Variants in EPM2A observed in about 807,000 individuals in gnomAD.
EPM2A encodes laforin.
A neutral mutation model predicts 26.5 loss-of-function variants in EPM2A; 21 were observed. That is an observed-to-expected ratio of 0.79 (90% CI 0.56 to 1.14). The LOEUF (loss-of-function observed/expected upper bound fraction) is 1.14, where lower values mean the gene tolerates loss of function less well. Among genes scored for constraint, EPM2A ranks in the 50% most tolerant of loss-of-function variants. The probability of loss-of-function intolerance (pLI) is 0.00; values close to 1 mark genes in which losing one functional copy is unlikely to be tolerated. For synonymous variants in EPM2A, 217 were observed against 177.6 expected, an observed-to-expected ratio of 1.22 and a Z score of -1.76; for missense variants, 458 against 440.8, an observed-to-expected ratio of 1.04 and a Z score of -0.35.
At chr6:145,501,991 A>T (rs2114751884) in intron 3 of EPM2A, 2 of 391,728 alleles carry the variant, frequency 5.1e-6, no homozygotes, top group Middle Eastern at 8.9e-4. Flanking sequence ...AGAGTCTCGA[A>T]TTGAACCCTA....
intron 2 of EPM2A, among the ~76,000 whole-genome samples, chr6:145,598,755 T>G (rs2128549570): frequency 6.6e-6 from 1 of 152,308 alleles, no homozygotes; most frequent in South Asian, 2.1e-4. Flanking sequence ...CAATTAAGTC[T>G]TTACTCCATC....
In EPM2A at chr6:145,654,410, C is replaced by G. The variant is rs4896834; in HGVS notation, c.477-18924G>C. Among the ~76,000 whole-genome samples the G allele has an allele frequency of 9.9e-3, 1,506 of 152,138 alleles. 10 individuals are homozygous for G. The highest frequency in any genetic ancestry group is 0.017 in the Admixed American group (264 of 15,276). On this transcript the variant is annotated intron_variant, in intron 2 of 3. Coordinates refer to ENST00000367519, the MANE Select transcript of EPM2A (RefSeq NM_005670.4). ...TGGTCAGGCTGGTGTAATCATAATA[C>G]TGTATTAAAGCACAGACAAGCAGAA... is the stretch of plus-strand genomic sequence containing the variant.
chr6:145,618,524 T>C (rs190568953), intron 2 of EPM2A, among the ~76,000 whole-genome samples: 15 of 152,334 alleles, frequency 9.8e-5, no homozygotes, highest in East Asian at 9.7e-4. Flanking sequence ...GCAGTGGTCA[T>C]CCTCATGTTG....
intron 4 of EPM2A, among the ~76,000 whole-genome samples, chr6:145,473,197 CA>C (rs965206556): frequency 6.6e-6 from 1 of 151,072 alleles, no homozygotes; most frequent in African/African-American, 2.4e-5. Context: ...ATAAATTTAA[CA>C]AAGAGATTGA....
chr6:145,701,079 A>G (rs141820904), intron 1 of EPM2A, among the ~76,000 whole-genome samples: 13 of 152,364 alleles, frequency 8.5e-5, no homozygotes, highest in African/African-American at 2.9e-4. Context: ...GTTGTTTTAA[A>G]TCCTTTTAAT....
chr6:145,613,088 C>T (rs549584806), intron 2 of EPM2A, among the ~76,000 whole-genome samples: 5 of 152,324 alleles, frequency 3.3e-5, no homozygotes, highest in African/African-American at 1.2e-4. Flanking sequence ...AGTTAATCCT[C>T]TCAAACCCTG....
chr6:145,663,760 G>C (rs1191935640), intron 2 of EPM2A, among the ~76,000 whole-genome samples: 1 of 123,090 alleles, frequency 8.1e-6, no homozygotes, highest in Non-Finnish European at 1.7e-5. Flanking sequence ...AGGGCAGCCA[G>C]AGAGAAAGGT....
Position 145,563,745 on chromosome 6 carries a change from G to C in EPM2A, c.341-61170C>G, listed in dbSNP as rs530304973. Among the ~76,000 whole-genome samples the C allele has an allele frequency of 2.6e-5, 4 of 152,188 alleles. No individual in the cohort carries two copies. The East Asian group carries it at 7.7e-4, about 29-fold the overall frequency. On this transcript the variant is annotated intron_variant, in intron 2 of 3. Coordinates refer to the EPM2A transcript ENST00000450221. ...AGAGTTTAGCCTAAAGTTTAGGACA[G>C]GTTTTGGAATTCTGCAAAACTTTTC... is the stretch of plus-strand genomic sequence containing the variant.
intron 4 of EPM2A, among the ~76,000 whole-genome samples, chr6:145,466,311 C>A (rs950075176): frequency 7.2e-5 from 11 of 152,030 alleles, no homozygotes; most frequent in African/African-American, 1.2e-4. Flanking sequence ...AAACAAACAA[C>A]CCCATCAAAA....
chr6:145,471,693 G>A (rs1258878057), intron 4 of EPM2A, among the ~76,000 whole-genome samples: 2 of 152,090 alleles, frequency 1.3e-5, no homozygotes, highest in East Asian at 3.9e-4. Context: ...ACCCATACAG[G>A]GAGAATTTAA....
intron 2 of EPM2A, among the ~76,000 whole-genome samples, chr6:145,592,370 A>G (rs1035380683): frequency 8.6e-5 from 13 of 152,044 alleles, no homozygotes; most frequent in Non-Finnish European, 1.9e-4. Flanking sequence ...AAAGTATTCC[A>G]TGGTTTATAT....
chr6:145,629,332 C>G (rs1359056434), intron 3 of EPM2A: 1 of 152,224 alleles, frequency 6.6e-6, no homozygotes, highest in Non-Finnish European at 1.5e-5. Context: ...AACTTTAACC[C>G]ATCTAAACCA....
At chr6:145,661,322 A>C (rs1778691980) in intron 2 of EPM2A, among the ~76,000 whole-genome samples, 1 of 152,182 alleles carries the variant, frequency 6.6e-6, no homozygotes, top group South Asian at 2.1e-4. Flanking sequence ...TCTTGAGTGT[A>C]TATTTTTTCT....
intron 4 of EPM2A, among the ~76,000 whole-genome samples, chr6:145,389,815 G>T (rs889760346): frequency 6.6e-6 from 1 of 152,080 alleles, no homozygotes; most frequent in Non-Finnish European, 1.5e-5. Context: ...TCCTCCCCAA[G>T]AAGCCATTAT....
At chr6:145,672,192 T>C (rs1395623997) in intron 2 of EPM2A, among the ~76,000 whole-genome samples, 1 of 152,220 alleles carries the variant, frequency 6.6e-6, no homozygotes, top group Non-Finnish European at 1.5e-5. Flanking sequence ...GGATTTAATA[T>C]TTATTGAGCT....
chr6:145,499,794 G>A (rs574734424), downstream of EPM2A, among the ~76,000 whole-genome samples: 1 of 152,216 alleles, frequency 6.6e-6, no homozygotes, highest in Non-Finnish European at 1.5e-5. Context: ...CTTTATAATG[G>A]TTGTAAGGGA....
At chr6:145,385,615 CT>C (rs1159441913) in intron 4 of EPM2A, among the ~76,000 whole-genome samples, 3 of 152,072 alleles carry the variant, frequency 2.0e-5, no homozygotes, top group Non-Finnish European at 4.4e-5. Flanking sequence ...TATTTTTAAA[CT>C]TTTTTTCCAG....
intron 2 of EPM2A, among the ~76,000 whole-genome samples, chr6:145,657,089 C>CTTTTTTT: frequency 8.2e-6 from 1 of 121,826 alleles, no homozygotes; most frequent in Non-Finnish European, 1.7e-5. Context: ...GTCATTTTTC[C>CTTTTTTT]TTTTTTTTTT....
chr6:145,657,739 C>G (rs926985939), intron 2 of EPM2A, among the ~76,000 whole-genome samples: 1 of 152,204 alleles, frequency 6.6e-6, no homozygotes, highest in African/African-American at 2.4e-5. Context: ...GAACACACAG[C>G]AGCCTACTGT....
Sources: allele counts gnomAD v4.1 joint callset (sites outside exome capture counted in the v4.1 genomes callset), GRCh38; gene constraint gnomAD v4.1.1; transcripts MANE v1.5; gene names NCBI Gene and HGNC (gene_info 2026-07-23, HGNC 2026-07-21).